RARRES1: variants seen among roughly 807,000 people sequenced by gnomAD.
RARRES1 encodes the protein retinoic acid receptor responder 1.
A neutral mutation model predicts 30.6 loss-of-function variants in RARRES1; 34 were observed. That is an observed-to-expected ratio of 1.11 (90% CI 0.84 to 1.48). The LOEUF (loss-of-function observed/expected upper bound fraction) is 1.48, where lower values mean the gene tolerates loss of function less well. Ranked by LOEUF, RARRES1 falls within the 40% of genes most tolerant of loss-of-function variation. The pLI, the probability that RARRES1 is intolerant of heterozygous loss-of-function variation, is 0.00. For synonymous variants in RARRES1, 153 were observed against 155.5 expected (o/e 0.98, Z 0.12); for missense variants, 373 against 386.5 (o/e 0.97, Z 0.29).
chr3:158,720,273 T>TGAGAGAGAGAGAGAGAGA (rs968371151), intron 1 of RARRES1, among the ~76,000 whole-genome samples: 225 of 144,494 alleles, frequency 1.6e-3, no homozygotes, highest in African/African-American at 5.2e-3. Context: ...TGTATGTGTG[T>TGAGAGAGAGAGAGAGAGA]GAGAGAGAGA....
At chr3:158,720,233 G>GGTGTGTGTGTGT (rs781535998) in intron 1 of RARRES1, among the ~76,000 whole-genome samples, 4,629 of 139,042 alleles carry the variant, frequency 0.033, 70 homozygotes, top group African/African-American at 0.038. Flanking sequence ...GCTGGCTGCT[G>GGTGTGTGTGTGT]GTGTGTGTGT....
chr3:158,710,306 C>T (rs983928882), intron 3 of RARRES1, among the ~76,000 whole-genome samples: 1 of 151,032 alleles, frequency 6.6e-6, no homozygotes, highest in Non-Finnish European at 1.5e-5. Context: ...CTCCCAGGTT[C>T]ATGCCATTCT....
intron 3 of RARRES1, among the ~76,000 whole-genome samples, chr3:158,705,321 C>A (rs1726883624): frequency 6.6e-6 from 1 of 152,226 alleles, no homozygotes; most frequent in South Asian, 2.1e-4. Context: ...GCTACCAAAT[C>A]TCTCAGATTT....
chr3:158,706,938 G>C (rs1037566670), intron 3 of RARRES1, among the ~76,000 whole-genome samples: 1 of 152,154 alleles, frequency 6.6e-6, no homozygotes, highest in East Asian at 1.9e-4. Context: ...GGAGGCCAAG[G>C]GGGGTGGATC....
Position 158,704,901 on chromosome 3 carries a change from G to A in RARRES1, c.562C>T (p.Leu188=). The change falls in exon 4 of 6, where the codon CTG becomes TTG. Residue 188 remains leucine, a synonymous_variant. Transcript: ENST00000237696. Reference sequence around the variant, plus strand: ...AAAGCCAAATCCCAGATGAGTCTCAGAGAGGGATCAATATGTCCATGATTA... The same window carrying A: ...AAAGCCAAATCCCAGATGAGTCTCAAAGAGGGATCAATATGTCCATGATTA... ...PDNHGHIDPS[L]RLIWDLAFLG... is the part of the protein sequence containing the mutation. The A allele has an allele frequency of 1.2e-6, 2 of 1,613,404 alleles. No homozygotes were observed. The highest frequency in any genetic ancestry group is 1.7e-6 in the Non-Finnish European group (2 of 1,179,786).
intron 1 of RARRES1, among the ~76,000 whole-genome samples, chr3:158,725,071 A>G (rs1467387249): frequency 6.6e-6 from 1 of 151,992 alleles, no homozygotes; most frequent in Non-Finnish European, 1.5e-5. Flanking sequence ...CAGTCCTCCA[A>G]CCTCGGCCTC....
intron 1 of RARRES1, among the ~76,000 whole-genome samples, chr3:158,730,689 C>A (rs1321728303): frequency 6.6e-6 from 1 of 152,082 alleles, no homozygotes; most frequent in South Asian, 2.1e-4. Context: ...TGAGCTCAAG[C>A]GATTTGCCCA....
chr3:158,721,233 G>T (rs1189857700), intron 1 of RARRES1, among the ~76,000 whole-genome samples: 1 of 152,130 alleles, frequency 6.6e-6, no homozygotes, highest in East Asian at 1.9e-4. Flanking sequence ...TGGGGTTGAG[G>T]TTACAATGGT....
At chr3:158,699,441 C>G (rs1420165491) in intron 4 of RARRES1, among the ~76,000 whole-genome samples, 2 of 150,848 alleles carry the variant, frequency 1.3e-5, no homozygotes, top group Non-Finnish European at 3.0e-5. Flanking sequence ...GCAACCCCCC[C>G]CCCACCAAAA....
chr3:158,703,442 T>C (rs186383322), intron 4 of RARRES1, among the ~76,000 whole-genome samples: 1 of 152,296 alleles, frequency 6.6e-6, no homozygotes, highest in Admixed American at 6.5e-5. Context: ...AAAAACCCTT[T>C]CAGCCCTATG....
chr3:158,698,844 T>G (rs966104835), intron 4 of RARRES1, among the ~76,000 whole-genome samples: 9 of 152,242 alleles, frequency 5.9e-5, no homozygotes, highest in African/African-American at 1.9e-4. Context: ...ACAATTTTTT[T>G]CTTTTCTCTT....
intron 3 of RARRES1, among the ~76,000 whole-genome samples, chr3:158,706,646 A>G (rs1488249109): frequency 1.3e-5 from 2 of 152,186 alleles, no homozygotes; most frequent in African/African-American, 4.8e-5. Flanking sequence ...GGAGATGAAA[A>G]GATTAGTCCA....
chr3:158,699,780 CAG>C (rs1254342775), intron 4 of RARRES1, among the ~76,000 whole-genome samples: 3 of 152,284 alleles, frequency 2.0e-5, no homozygotes, highest in Admixed American at 6.5e-5. Flanking sequence ...GCTGGAAAGT[CAG>C]AGAATTCATG....
chr3:158,732,114 G>T (rs998870841), intron 1 of RARRES1, 26 bp downstream of exon 1: 5 of 1,316,048 alleles, frequency 3.8e-6, no homozygotes, highest in Non-Finnish European at 4.8e-6. Context: ...GCAGGCGCGT[G>T]CCCCGGCGCG....
intron 1 of RARRES1, among the ~76,000 whole-genome samples, chr3:158,717,535 G>A (rs1182396630): frequency 1.3e-5 from 2 of 152,260 alleles, no homozygotes; most frequent in African/African-American, 4.8e-5. Flanking sequence ...AGAAAGACTG[G>A]AGCTGGAGCT....
chr3:158,698,040 C>G (rs959332079), intron 4 of RARRES1, 70 bp from the exon 5 acceptor site: 27 of 1,151,276 alleles, frequency 2.3e-5, no homozygotes, highest in Non-Finnish European at 3.0e-5. Flanking sequence ...ACAATACATT[C>G]TTGTTTTGAA....
chr3:158,703,708 C>T (rs951510499), intron 4 of RARRES1, among the ~76,000 whole-genome samples: 2 of 152,174 alleles, frequency 1.3e-5, no homozygotes, highest in African/African-American at 4.8e-5. Context: ...TTTAGTACTA[C>T]CAGCCAGTCC....
intron 3 of RARRES1, among the ~76,000 whole-genome samples, chr3:158,710,132 T>C (rs1727063049): frequency 1.3e-5 from 2 of 152,202 alleles, no homozygotes; most frequent in South Asian, 4.1e-4. Context: ...GCATATCCTA[T>C]TTCAAAATCC....
In RARRES1 at chr3:158,702,200, G is replaced by A. The variant is rs144154676; in HGVS notation, c.672+2591C>T. Among the ~76,000 whole-genome samples the A allele has an allele frequency of 3.9e-3, 601 of 152,162 alleles. 5 individuals are homozygous for A. Among genetic ancestry groups the A allele is most frequent in the African/African-American group, 0.014 (569 of 41,508 alleles). ...CTACAGGTGCATGCCACCATGCCTG[G>A]CTAATTTTTTTGTATTTTTAGTAGA... is the stretch of plus-strand genomic sequence containing the variant. On this transcript the variant is annotated intron_variant, in intron 4 of 5. Coordinates refer to ENST00000237696, the MANE Select transcript of RARRES1 (RefSeq NM_206963.2).
Sources: gnomAD v4.1 joint callset for allele counts (sites outside exome capture counted in the v4.1 genomes callset) on GRCh38, gnomAD v4.1.1 for gene constraint, MANE v1.5 for transcripts, NCBI Gene and HGNC (gene_info 2026-07-23, HGNC 2026-07-21) for gene names.